Variants in HIVEP3 observed in about 807,000 individuals in gnomAD.
HIVEP3 encodes the protein HIVEP zinc finger 3.
Under a neutral mutation model 152.8 loss-of-function variants are expected in HIVEP3, and 49 were observed. That is an observed-to-expected ratio of 0.32 (90% confidence interval 0.26 to 0.41). The LOEUF (loss-of-function observed/expected upper bound fraction) is 0.41. Among genes scored for constraint, HIVEP3 ranks in the 10% least tolerant of loss-of-function variants. HIVEP3 has a pLI of 1.00. For missense variants in HIVEP3, 2,790 were observed against 3,103.3 expected (o/e 0.90, Z 2.40); for synonymous variants, 1,269 against 1,289.0 (o/e 0.98, Z 0.33).
At chr1:41,933,066 T>C (rs1434470170) in intron 1 of HIVEP3, among the ~76,000 whole-genome samples, 2 of 152,012 alleles carry the variant, frequency 1.3e-5, no homozygotes, top group Non-Finnish European at 1.5e-5. Flanking sequence ...CTTTTAAGGT[T>C]GTTAAGTTTG....
intron 5 of HIVEP3, among the ~76,000 whole-genome samples, chr1:41,546,253 A>C (rs1295235790): frequency 6.6e-6 from 1 of 152,196 alleles, no homozygotes; most frequent in Non-Finnish European, 1.5e-5. Context: ...CTGAGTGTGC[A>C]AAGTGAGGAC....
At chr1:41,845,260 T>C (rs1643404910) in intron 1 of HIVEP3, among the ~76,000 whole-genome samples, 2 of 151,932 alleles carry the variant, frequency 1.3e-5, no homozygotes, top group Admixed American at 1.3e-4. Context: ...GGACAAAGAG[T>C]TTTGGTTCAC....
intron 1 of HIVEP3, among the ~76,000 whole-genome samples, chr1:41,810,276 T>C (rs1650874529): frequency 6.6e-6 from 1 of 152,190 alleles, no homozygotes; most frequent in Non-Finnish European, 1.5e-5. Context: ...TCCTTTCAGT[T>C]GCTTATCTCA....
chr1:41,725,783 A>G (rs1646743373), intron 1 of HIVEP3, among the ~76,000 whole-genome samples: 1 of 152,244 alleles, frequency 6.6e-6, no homozygotes, highest in Non-Finnish European at 1.5e-5. Flanking sequence ...ATGAGGACAT[A>G]GTGGCTCAGA....
At chr1:41,840,493 G>A (rs926094918) in intron 1 of HIVEP3, among the ~76,000 whole-genome samples, 4 of 152,174 alleles carry the variant, frequency 2.6e-5, no homozygotes, top group African/African-American at 9.7e-5. Flanking sequence ...AGGAAGCATG[G>A]CCCTGCTGAC....
chr1:42,033,725 C>T (rs1400304510), intron 1 of HIVEP3, among the ~76,000 whole-genome samples: 1 of 152,252 alleles, frequency 6.6e-6, no homozygotes, highest in African/African-American at 2.4e-5. Flanking sequence ...TTGGTTATTA[C>T]ACTGTAAAGT....
chr1:41,551,691 G>A (rs1309572594), intron 5 of HIVEP3, among the ~76,000 whole-genome samples: 1 of 152,126 alleles, frequency 6.6e-6, no homozygotes, highest in East Asian at 1.9e-4. Flanking sequence ...ATTCTCTGAT[G>A]GTAGTTTGTT....
chr1:41,797,386 A>G (rs1650044328), intron 1 of HIVEP3, among the ~76,000 whole-genome samples: 1 of 152,244 alleles, frequency 6.6e-6, no homozygotes, highest in South Asian at 2.1e-4. Context: ...CCTCCACCCC[A>G]GCAGTCCTGG....
intron 1 of HIVEP3, among the ~76,000 whole-genome samples, chr1:41,897,751 A>C (rs557511809): frequency 1.3e-5 from 2 of 152,226 alleles, no homozygotes; most frequent in East Asian, 3.9e-4. Context: ...GTTGACCCCT[A>C]GTTGAAAAAA....
At chr1:41,672,519 A>G (rs1484218963) in intron 2 of HIVEP3, among the ~76,000 whole-genome samples, 2 of 152,148 alleles carry the variant, frequency 1.3e-5, no homozygotes, top group African/African-American at 4.8e-5. Flanking sequence ...CTGTTCTCTG[A>G]GCTAAGGACT....
intron 3 of HIVEP3, among the ~76,000 whole-genome samples, chr1:41,604,261 A>G (rs1359748505): frequency 6.6e-6 from 1 of 152,264 alleles, no homozygotes; most frequent in African/African-American, 2.4e-5. Flanking sequence ...AGCCAAAAAA[A>G]CTGGAAACAG....
intron 3 of HIVEP3, among the ~76,000 whole-genome samples, chr1:41,623,628 G>A (rs1328105964): frequency 6.6e-6 from 1 of 152,176 alleles, no homozygotes; most frequent in Non-Finnish European, 1.5e-5. Context: ...GGTGGCCTGG[G>A]AGTCAGGACT....
At chr1:42,016,909 T>C (rs1336041841) in intron 1 of HIVEP3, among the ~76,000 whole-genome samples, 1 of 152,184 alleles carries the variant, frequency 6.6e-6, no homozygotes, top group African/African-American at 2.4e-5. Context: ...TTTCCTAAGA[T>C]AAAATTCCTA....
At chr1:41,960,116 C>T (rs1012000847) in intron 1 of HIVEP3, among the ~76,000 whole-genome samples, 1 of 152,170 alleles carries the variant, frequency 6.6e-6, no homozygotes, top group Non-Finnish European at 1.5e-5. Context: ...CTCAGACCCC[C>T]TCAGGATGAA....
chr1:42,022,785 G>A (rs1645561862), intron 1 of HIVEP3, among the ~76,000 whole-genome samples: 1 of 152,130 alleles, frequency 6.6e-6, no homozygotes, highest in African/African-American at 2.4e-5. Flanking sequence ...CTTCTCTGTA[G>A]GTAAGTATCC....
chr1:41,937,738 C>T (rs1281437111), intron 1 of HIVEP3, among the ~76,000 whole-genome samples: 15 of 152,184 alleles, frequency 9.9e-5, no homozygotes, highest in Admixed American at 9.8e-4. Context: ...TGGTCATGGA[C>T]TTTTCAGATA....
At chr1:41,976,565 T>C (rs1645260482) in intron 1 of HIVEP3, among the ~76,000 whole-genome samples, 1 of 152,252 alleles carries the variant, frequency 6.6e-6, no homozygotes, top group African/African-American at 2.4e-5. Context: ...AAAGTAAGCA[T>C]GTTATACAAA....
chr1:41,510,954 C>A lies in HIVEP3; in HGVS notation c.6718G>T (p.Glu2240Ter), dbSNP rs1324660719. The change falls in exon 9 of 9, where the codon GAG becomes TAG. Residue 2240 changes from glutamate (E) to a stop codon, truncating the protein, a stop_gained. Coordinates refer to ENST00000372583, the MANE Select transcript of HIVEP3 (RefSeq NM_024503.5). LOFTEE classifies it high-confidence loss of function. ...SDLTGAREAQ[E>*]RGRWSPTESS... ...TCAGTGGGACTCCAGCGGCCTCGCTCCTGGGCCTCCCGGGCCCCTGTCAGG... is the reference window on the plus strand; with the variant it reads ...TCAGTGGGACTCCAGCGGCCTCGCTACTGGGCCTCCCGGGCCCCTGTCAGG... 6.2e-7 allele frequency: 1 copy of A among 1,613,602 alleles called. No homozygotes were observed.
Position 41,524,850 on chromosome 1 carries a change from A to G in HIVEP3, c.5268T>C (p.Cys1756=). 6.2e-7 allele frequency: 1 copy of G among 1,614,102 alleles called. No homozygotes were observed. The change falls in exon 6 of 9, where the codon TGT becomes TGC. Residue 1756 remains cysteine (C), a synonymous_variant. Transcript: ENST00000372583. ...TCTTGCAGCGAATTCCACACTCCTC[A>G]CAAACATATTTCCCTCGGCCGCGGC... is the stretch of plus-strand genomic sequence containing the variant. ...VRGRGRGKYV[C]EECGIRCKKP... is the part of the protein sequence containing the mutation.
Sources: allele counts gnomAD v4.1 joint callset (sites outside exome capture counted in the v4.1 genomes callset), GRCh38; gene constraint gnomAD v4.1.1; transcripts MANE v1.5; gene names NCBI Gene and HGNC (gene_info 2026-07-23, HGNC 2026-07-21).